Variants in ANO2 observed in about 807,000 individuals in gnomAD.
ANO2 encodes anoctamin 2, also known as anoctamin-2.
ANO2 carries 101 observed loss-of-function variants against 124.2 expected under a neutral mutation model. The ratio of observed to expected loss-of-function variants is 0.81; its 90% CI spans 0.69 to 0.96. The LOEUF is 0.96. ANO2 is among the 40% of genes least tolerant of loss of function. The pLI, the probability that ANO2 is intolerant of heterozygous loss-of-function variation, is 0.00. For synonymous variants in ANO2, 486 were observed against 482.5 expected (o/e 1.01, Z -0.09); for missense variants, 1,293 against 1,274.5 (o/e 1.01, Z -0.22).
At chr12:5,824,772 C>T (rs547404506) in intron 7 of ANO2, among the ~76,000 whole-genome samples, 143 of 152,182 alleles carry the variant, frequency 9.4e-4, no homozygotes, top group African/African-American at 3.2e-3. Flanking sequence ...GAGACATACC[C>T]GAGACTGGGA....
chr12:5,901,007 T>C (rs1248172105), intron 3 of ANO2, among the ~76,000 whole-genome samples: 1 of 152,168 alleles, frequency 6.6e-6, no homozygotes, highest in African/African-American at 2.4e-5. Context: ...GTGGGGCCAC[T>C]CTCAGCAGGG....
At chr12:5,610,226 CTTATATAAATATATAAATGCATATA>C (rs1944438155) in intron 19 of ANO2, among the ~76,000 whole-genome samples, 1 of 99,406 alleles carries the variant, frequency 1.0e-5, no homozygotes, top group African/African-American at 4.4e-5. Context: ...TAAATATATA[CTTATATAAATATATAAATGCATATA>C]TTTATACATA....
At chr12:5,924,678 G>A (rs1941995210) in intron 1 of ANO2, among the ~76,000 whole-genome samples, 1 of 152,210 alleles carries the variant, frequency 6.6e-6, no homozygotes, top group South Asian at 2.1e-4. Flanking sequence ...TAGCTCCACA[G>A]GCAGCTACTC....
At chr12:5,650,754 C>T (rs180742810) in intron 14 of ANO2, among the ~76,000 whole-genome samples, 1 of 152,350 alleles carries the variant, frequency 6.6e-6, no homozygotes, top group East Asian at 1.9e-4. Flanking sequence ...CATCCAAGTT[C>T]TGAACTCTTG....
rs74474851 is a variant in ANO2, at chr12:5,733,842, T to G, written c.1435-1212A>C. Among the ~76,000 whole-genome samples the G allele has an allele frequency of 3.9e-5, 6 of 152,344 alleles. No homozygotes were observed. The East Asian group carries it at 1.2e-3, about 29-fold the overall frequency. On this transcript the variant is annotated intron_variant, in intron 13 of 24. Transcript: ENST00000682330. Reference sequence around the variant, plus strand: ...TCCTCCCTCTCTGAATTCCGAAACTTTTATAGCTTATACCACACACTGTAG... The same window carrying G: ...TCCTCCCTCTCTGAATTCCGAAACTGTTATAGCTTATACCACACACTGTAG...
chr12:5,892,279 C>T (rs1254856888), intron 3 of ANO2, among the ~76,000 whole-genome samples: 3 of 151,974 alleles, frequency 2.0e-5, no homozygotes, highest in Admixed American at 2.0e-4. Flanking sequence ...ATATTGGAGA[C>T]CTATAAGGCA....
chr12:5,879,877 G>C (rs1282020188), intron 3 of ANO2, among the ~76,000 whole-genome samples: 1 of 152,190 alleles, frequency 6.6e-6, no homozygotes, highest in Non-Finnish European at 1.5e-5. Flanking sequence ...AGAAGCCATT[G>C]AAAGATTTTA....
chr12:5,768,701 C>T (rs1425101561), intron 10 of ANO2, among the ~76,000 whole-genome samples: 7 of 152,152 alleles, frequency 4.6e-5, no homozygotes, highest in Non-Finnish European at 2.9e-5. Flanking sequence ...CATGCCTGTA[C>T]GGTAGGTCTC....
In ANO2 at chr12:5,832,611, A is replaced by T. The variant is rs768301900; in HGVS notation, c.634-8T>A. 6.2e-7 allele frequency: 1 copy of T among 1,608,898 alleles called. No individual in the cohort carries two copies. Among genetic ancestry groups the T allele is most frequent in the Non-Finnish European group, 8.5e-7 (1 of 1,177,506 alleles). Reference sequence around the variant, plus strand: ...TGCTTTGATCTCGTACATCTATGAAAGGAAGAGCCACAGGTCTGAAAAGGG... The same window carrying T: ...TGCTTTGATCTCGTACATCTATGAATGGAAGAGCCACAGGTCTGAAAAGGG... On this transcript the variant is annotated splice_region_variant and splice_polypyrimidine_tract_variant and intron_variant, in intron 4 of 24. Transcript: ENST00000682330.
intron 1 of ANO2, among the ~76,000 whole-genome samples, chr12:5,924,618 G>A (rs1482817414): frequency 2.6e-5 from 4 of 152,226 alleles, no homozygotes; most frequent in Admixed American, 6.5e-5. Flanking sequence ...CAGGCAAGAC[G>A]CTGCCTTTCC....
At chr12:5,575,783 G>T in intron 23 of ANO2, 51 bp downstream of exon 23, 1 of 1,570,386 alleles carries the variant, frequency 6.4e-7, no homozygotes, top group Non-Finnish European at 8.7e-7. Flanking sequence ...GTAATTATTT[G>T]GATCTATTGC....
chr12:5,883,073 C>T (rs931551178), intron 3 of ANO2, among the ~76,000 whole-genome samples: 3 of 152,244 alleles, frequency 2.0e-5, no homozygotes, highest in Admixed American at 2.0e-4. Context: ...ACCACGTGCC[C>T]CATTGGAAAC....
rs939786833 is a variant in ANO2, at chr12:5,736,047, G to A, written c.1434+3270C>T. ...CTGAGCTGAAGATTATCCCATTTTA[G>A]AGTATAAAACTCTGGAGGTCTGACA... On this transcript the variant is annotated intron_variant, in intron 13 of 24. Transcript: ENST00000682330. 2.6e-5 allele frequency among the ~76,000 whole-genome samples: 4 copies of A among 152,204 alleles called. No individual in the cohort carries two copies. In the East Asian group the frequency reaches 7.7e-4, roughly 29 times the overall value.
chr12:5,922,509 C>G, intron 2 of ANO2, 111 bp downstream of exon 2: 1 of 1,243,812 alleles, frequency 8.0e-7, no homozygotes, highest in Non-Finnish European at 1.1e-6. Context: ...AGGTCTCTCT[C>G]TTTCACGCAC....
At chr12:5,602,432 T>G (rs765340865) in intron 19 of ANO2, among the ~76,000 whole-genome samples, 1 of 151,024 alleles carries the variant, frequency 6.6e-6, no homozygotes, top group Admixed American at 6.7e-5. Flanking sequence ...TTTTGTATTT[T>G]TAGTAAAGAC....
At chr12:5,935,577 T>C (rs1194427368) in intron 1 of ANO2, among the ~76,000 whole-genome samples, 1 of 152,230 alleles carries the variant, frequency 6.6e-6, no homozygotes, top group Non-Finnish European at 1.5e-5. Context: ...TGTGAAATTA[T>C]GGCCACCATA....
chr12:5,584,137 C>CCCT lies in ANO2; in HGVS notation c.2234-5620_2234-5619insAGG, dbSNP rs574492951. On this transcript the variant is annotated intron_variant, in intron 20 of 24. Coordinates refer to ENST00000682330, the MANE Select transcript of ANO2 (RefSeq NM_001364791.2). ...ATTCCTTAATTTAATGAACACCCCC[C>CCCT]CCCCGCCGCAAGAATATTAATGTTG... 3.0e-3 allele frequency: 493 copies of CCCT among 165,264 alleles called. 5 individuals carry two copies. The highest frequency in any genetic ancestry group is 4.9e-3 in the Admixed American group (74 of 15,064). The allele number at this position is 165,264 out of a possible 1,614,324, so 10.2% of individuals were successfully genotyped here. A position where few individuals can be genotyped will look rare whatever the true frequency, so the allele number is the denominator to read the frequency against.
chr12:5,808,872 C>A (rs1201938889), intron 7 of ANO2, among the ~76,000 whole-genome samples: 1 of 152,146 alleles, frequency 6.6e-6, no homozygotes, highest in Non-Finnish European at 1.5e-5. Context: ...CAAACCTCGC[C>A]CCCATTTGCC....
intron 7 of ANO2, among the ~76,000 whole-genome samples, chr12:5,821,165 G>A (rs1220397946): frequency 6.6e-6 from 1 of 152,192 alleles, no homozygotes; most frequent in African/African-American, 2.4e-5. Flanking sequence ...ACTTATGGGT[G>A]AGACATTTGC....
Sources: gnomAD v4.1 joint callset for allele counts (sites outside exome capture counted in the v4.1 genomes callset) on GRCh38, gnomAD v4.1.1 for gene constraint, MANE v1.5 for transcripts, NCBI Gene and HGNC (gene_info 2026-07-23, HGNC 2026-07-21) for gene names.